Variants in RPH3A observed in about 807,000 individuals in gnomAD.
RPH3A encodes the protein rabphilin 3A.
RPH3A carries 48 observed loss-of-function variants against 102.2 expected under a neutral mutation model. That is an observed-to-expected ratio of 0.47 (90% CI 0.37 to 0.60). The LOEUF (loss-of-function observed/expected upper bound fraction) is 0.60. Among genes scored for constraint, RPH3A ranks in the 20% least tolerant of loss-of-function variants. RPH3A has a pLI of 0.00. For synonymous variants in RPH3A, 310 were observed against 324.3 expected (o/e 0.96, Z 0.47); for missense variants, 781 against 910.1 (o/e 0.86, Z 1.83).
Position 112,896,818 on chromosome 12 carries a change from C to T in RPH3A, c.*38C>T. 1.2e-6 allele frequency: 2 copies of T among 1,611,376 alleles called. No individual in the cohort carries two copies. The highest frequency in any genetic ancestry group is 1.1e-5 in the South Asian group (1 of 90,928). On this transcript the variant is annotated 3_prime_UTR_variant, in exon 22 of 22. Coordinates refer to ENST00000389385, the MANE Select transcript of RPH3A (RefSeq NM_001143854.2). ...GTCCCCATCTCCATGTCCCGGGTCCCCCCCAGCCTGCTCTAGCTGCCCACC... is the reference window on the plus strand; with the variant it reads ...GTCCCCATCTCCATGTCCCGGGTCCTCCCCAGCCTGCTCTAGCTGCCCACC...
At chr12:112,667,710 GA>G in intron 1 of RPH3A, among the ~76,000 whole-genome samples, 1 of 126,590 alleles carries the variant, frequency 7.9e-6, no homozygotes, top group Non-Finnish European at 1.6e-5. Context: ...GAGAGAGAGA[GA>G]GAGAGAGAGA....
intron 1 of RPH3A, among the ~76,000 whole-genome samples, chr12:112,612,957 G>A (rs1300423693): frequency 6.6e-6 from 1 of 152,098 alleles, no homozygotes; most frequent in African/African-American, 2.4e-5. Context: ...TATTCTGGAA[G>A]GGCTGGCTTG....
At chr12:112,655,761 C>T (rs757612732) in intron 1 of RPH3A, among the ~76,000 whole-genome samples, 4 of 151,514 alleles carry the variant, frequency 2.6e-5, no homozygotes, top group African/African-American at 4.9e-5. Context: ...TTAGTAGAGA[C>T]GGGGTTTTGC....
At chr12:112,719,675 G>GGTTGATCT (rs11281664) in intron 1 of RPH3A, among the ~76,000 whole-genome samples, 36,894 of 151,826 alleles carry the variant, frequency 0.24, 4,928 homozygotes, top group South Asian at 0.36. Flanking sequence ...CTTTGGGATA[G>GGTTGATCT]GCATACAAGA....
At chr12:112,770,343 G>GTTTGTTTTGTTTTGT (rs56803863) in intron 1 of RPH3A, among the ~76,000 whole-genome samples, 11 of 150,420 alleles carry the variant, frequency 7.3e-5, no homozygotes, top group South Asian at 6.3e-4. Context: ...TTTCTTTTTT[G>GTTTGTTTTGTTTTGT]TTTGTTTTGT....
intron 1 of RPH3A, among the ~76,000 whole-genome samples, chr12:112,764,017 G>T (rs1387514645): frequency 1.3e-5 from 2 of 152,178 alleles, no homozygotes; most frequent in East Asian, 3.8e-4. Flanking sequence ...CCTAAGGGCA[G>T]CCAGTAGAAG....
rs114959504 is a variant in RPH3A, at chr12:112,888,908, A to G, written c.1563+985A>G. On this transcript the variant is annotated intron_variant, in intron 17 of 21. Transcript: ENST00000389385. ...GCTGCCTTGCCTTACGTATGGGCCA[A>G]CTTGGGCCCAGAAAGGGTAGCAAGT... Among the ~76,000 whole-genome samples, 676 of 152,312 alleles carry G rather than the reference A, an allele frequency of 4.4e-3. 4 individuals are homozygous for G. The highest frequency in any genetic ancestry group is 0.015 in the African/African-American group (637 of 41,566).
At chr12:112,889,507 C>T (rs2043057077) in intron 17 of RPH3A, among the ~76,000 whole-genome samples, 1 of 152,246 alleles carries the variant, frequency 6.6e-6, no homozygotes, top group Admixed American at 6.5e-5. Flanking sequence ...GAGGGCCCCT[C>T]CCCTCTGGAC....
At chr12:112,866,206 C>A (rs920374884) in intron 6 of RPH3A, among the ~76,000 whole-genome samples, 4 of 152,112 alleles carry the variant, frequency 2.6e-5, no homozygotes, top group South Asian at 2.1e-4. Context: ...TGAAATCTTG[C>A]GAAAAGTTTA....
At chr12:112,798,236 T>TA (rs2041272604) in intron 2 of RPH3A, among the ~76,000 whole-genome samples, 1 of 152,212 alleles carries the variant, frequency 6.6e-6, no homozygotes, top group Non-Finnish European at 1.5e-5. Flanking sequence ...CTGGGTTTTT[T>TA]ACCACCCCCT....
intron 1 of RPH3A, among the ~76,000 whole-genome samples, chr12:112,585,426 A>G (rs924881288): frequency 6.6e-6 from 1 of 152,224 alleles, no homozygotes; most frequent in Non-Finnish European, 1.5e-5. Context: ...ATGACTGCAC[A>G]TTGAATCCCG....
intron 1 of RPH3A, among the ~76,000 whole-genome samples, chr12:112,751,801 T>C (rs1397988782): frequency 6.6e-6 from 1 of 152,172 alleles, no homozygotes; most frequent in Admixed American, 6.5e-5. Context: ...GAATTTTGTT[T>C]GTACCACTCT....
intron 1 of RPH3A, among the ~76,000 whole-genome samples, chr12:112,692,156 A>T (rs1305890532): frequency 2.0e-5 from 3 of 152,198 alleles, no homozygotes; most frequent in Non-Finnish European, 4.4e-5. Context: ...AACAGTGGAT[A>T]TTAGAGGCTG....
At chr12:112,865,345 T>G in intron 5 of RPH3A, 69 bp from the exon 6 acceptor site, 1 of 1,571,032 alleles carries the variant, frequency 6.4e-7, no homozygotes, top group Non-Finnish European at 8.7e-7. Flanking sequence ...ACTATCAACC[T>G]GACACTGTGG....
At chr12:112,621,936 C>A (rs1379542726) in intron 1 of RPH3A, among the ~76,000 whole-genome samples, 1 of 150,690 alleles carries the variant, frequency 6.6e-6, no homozygotes, top group Admixed American at 6.6e-5. Flanking sequence ...AGGCACCCCC[C>A]AGCAGGGGCA....
chr12:112,732,251 G>C (rs1246257559), intron 1 of RPH3A, among the ~76,000 whole-genome samples: 1 of 152,128 alleles, frequency 6.6e-6, no homozygotes, highest in Non-Finnish European at 1.5e-5. Flanking sequence ...CTACTTCTGA[G>C]AGCTGGACTC....
intron 1 of RPH3A, among the ~76,000 whole-genome samples, chr12:112,622,604 G>A (rs2039739684): frequency 1.3e-5 from 2 of 150,610 alleles, no homozygotes; most frequent in Admixed American, 6.6e-5. Flanking sequence ...AAAGTGATGT[G>A]GAGAATGGAA....
chr12:112,808,907 C>T (rs182932281), intron 2 of RPH3A, among the ~76,000 whole-genome samples: 133 of 152,260 alleles, frequency 8.7e-4, no homozygotes, highest in Admixed American at 1.4e-3. Context: ...AGGTGGCTCT[C>T]GGCCCTGGCT....
intron 1 of RPH3A, among the ~76,000 whole-genome samples, chr12:112,687,978 C>A (rs2040279198): frequency 6.6e-6 from 1 of 152,142 alleles, no homozygotes. Flanking sequence ...CCCCCAAGGC[C>A]CAAAAGGACA....
Sources: allele counts gnomAD v4.1 joint callset (sites outside exome capture counted in the v4.1 genomes callset), GRCh38; gene constraint gnomAD v4.1.1; transcripts MANE v1.5; gene names NCBI Gene and HGNC (gene_info 2026-07-23, HGNC 2026-07-21).